The following MYLK variants were observed in gnomAD, a reference collection of about 807,000 sequenced individuals.
MYLK encodes myosin light chain kinase, also known as myosin light chain kinase, smooth muscle.
A neutral mutation model predicts 203.4 loss-of-function variants in MYLK; 106 were observed. The observed-to-expected ratio is 0.52, with a 90% CI of 0.45 to 0.61. The LOEUF is 0.61. Ranked by LOEUF, MYLK falls within the 20% of genes least tolerant of loss-of-function variation. The pLI, the probability that MYLK is intolerant of heterozygous loss-of-function variation, is 0.00. For synonymous variants in MYLK, 867 were observed against 959.5 expected (o/e 0.90, Z 1.78); for missense variants, 2,072 against 2,442.3 (o/e 0.85, Z 3.20).
At position 123,709,741 on chromosome 3, in the gene MYLK, G is replaced by A; in HGVS notation, c.1942+15C>T. On this transcript the variant is annotated intron_variant, in intron 14 of 33. Transcript: ENST00000360304. Reference sequence around the variant, plus strand: ...TTTTCATGTTAATCCCCAAGAGAGAGCTGCAGAGACAGACCTGACACTTGG... The same window carrying A: ...TTTTCATGTTAATCCCCAAGAGAGAACTGCAGAGACAGACCTGACACTTGG... 6.2e-7 allele frequency: 1 copy of A among 1,613,324 alleles called. No homozygotes were observed. The highest frequency in any genetic ancestry group is 8.5e-7 in the Non-Finnish European group (1 of 1,179,830).
intron 3 of MYLK, among the ~76,000 whole-genome samples, chr3:123,796,802 C>A (rs992945085): frequency 6.6e-6 from 1 of 152,182 alleles, no homozygotes. Context: ...GATGGGCATG[C>A]TCATACCCTC....
intron 8 of MYLK, among the ~76,000 whole-genome samples, chr3:123,736,413 C>T (rs994024044): frequency 4.6e-5 from 7 of 152,222 alleles, no homozygotes; most frequent in Admixed American, 3.9e-4. Context: ...GGAGGAAGGA[C>T]TGAAAGCCAC....
At position 123,709,392 on chromosome 3, in the gene MYLK, G is replaced by A. The variant is rs147450482; in HGVS notation, c.1942+364C>T. 2,216 of 304,294 alleles carry A rather than the reference G, an allele frequency of 7.3e-3. 12 individuals are homozygous for A. The highest frequency in any genetic ancestry group is 0.015 in the Middle Eastern group (13 of 844). 18.8% of individuals were successfully genotyped at this position (304,294 alleles called of 1,614,324 possible). On this transcript the variant is annotated intron_variant, in intron 14 of 33. Coordinates refer to ENST00000360304, the MANE Select transcript of MYLK (RefSeq NM_053025.4). Reference sequence around the variant, plus strand: ...TCCTGACCTTGTGATCTGCTGCCTCGGCCTCACAAAGTGCTGGGATTACAG... The same window carrying A: ...TCCTGACCTTGTGATCTGCTGCCTCAGCCTCACAAAGTGCTGGGATTACAG...
intron 3 of MYLK, among the ~76,000 whole-genome samples, chr3:123,799,462 T>C (rs1005103269): frequency 6.6e-6 from 1 of 152,102 alleles, no homozygotes; most frequent in African/African-American, 2.4e-5. Context: ...AGTTATCCCC[T>C]TCCCTACCCA....
intron 24 of MYLK, among the ~76,000 whole-genome samples, chr3:123,652,574 G>T (rs571422331): frequency 6.6e-6 from 1 of 152,224 alleles, no homozygotes; most frequent in South Asian, 2.1e-4. Context: ...AGGCCAGGGC[G>T]TAGCTGCAGC....
chr3:123,767,117 C>T (rs1206281550), intron 4 of MYLK, among the ~76,000 whole-genome samples: 2 of 152,212 alleles, frequency 1.3e-5, no homozygotes, highest in Admixed American at 1.3e-4. Context: ...CCTCCTCCCG[C>T]CAGTGTCCCT....
In MYLK at chr3:123,757,627, T is replaced by C. The variant is rs1165005329; in HGVS notation, c.166-5089A>G. Among the ~76,000 whole-genome samples, 3 of 152,072 alleles carry C rather than the reference T, an allele frequency of 2.0e-5. No individual in the cohort carries two copies. The East Asian group carries it at 5.8e-4, about 29-fold the overall frequency. On this transcript the variant is annotated intron_variant, in intron 4 of 33. Coordinates refer to ENST00000360304, the MANE Select transcript of MYLK (RefSeq NM_053025.4). The stretch of plus-strand genomic sequence containing the variant: ...ATTGGGAAGATGCACCAAGAAGATA[T>C]GAGCAGTGAGCTGAAGAATCTTTAG...
At chr3:123,697,485 G>A (rs1208747440) in intron 18 of MYLK, among the ~76,000 whole-genome samples, 2 of 152,180 alleles carry the variant, frequency 1.3e-5, no homozygotes, top group Non-Finnish European at 2.9e-5. Context: ...ATTCTCAGCT[G>A]CCACCAGTAC....
At chr3:123,797,907 C>A (rs895357531) in intron 3 of MYLK, among the ~76,000 whole-genome samples, 5 of 152,206 alleles carry the variant, frequency 3.3e-5, no homozygotes, top group Non-Finnish European at 7.3e-5. Context: ...TAGATATAGA[C>A]CCTTTCACCA....
At chr3:123,617,432 A>G (rs992776363) in intron 33 of MYLK, 2 of 152,208 alleles carry the variant, frequency 1.3e-5, no homozygotes, top group Admixed American at 6.5e-5. Context: ...CAGCACATCC[A>G]CTTTCTTTTA....
At chr3:123,717,192 A>G (rs1489294998) in intron 13 of MYLK, among the ~76,000 whole-genome samples, 2 of 152,192 alleles carry the variant, frequency 1.3e-5, no homozygotes, top group African/African-American at 4.8e-5. Context: ...AACTGGATAG[A>G]TTGTATAGTG....
At chr3:123,721,543 C>T (rs1306835709) in intron 13 of MYLK, among the ~76,000 whole-genome samples, 1 of 152,088 alleles carries the variant, frequency 6.6e-6, no homozygotes, top group Non-Finnish European at 1.5e-5. Flanking sequence ...GGAGACCAGG[C>T]TGCTGATGTG....
chr3:123,657,073 AG>A, intron 24 of MYLK, 52 bp downstream of exon 24: 4 of 1,590,914 alleles, frequency 2.5e-6, no homozygotes, highest in Non-Finnish European at 3.5e-6. Flanking sequence ...TACATACACA[AG>A]GTCAGTCACG....
rs981236603 is a variant in MYLK, at chr3:123,825,160, A to G, written c.-4+6388T>C. On this transcript the variant is annotated intron_variant, in intron 3 of 33. Transcript: ENST00000360304. ...ACCCTGTCTCAAAAAAAAAAAAAAG[A>G]AAAAAAAAGTCATAGAATTCAGATA... is the stretch of plus-strand genomic sequence containing the variant. 6.0e-5 allele frequency among the ~76,000 whole-genome samples: 9 copies of G among 150,202 alleles called. No individual in the cohort carries two copies. The Admixed American group carries it at 6.0e-4, about 10-fold the overall frequency.
chr3:123,725,935 G>A lies in MYLK; in HGVS notation c.1651+9C>T. 4 of 1,613,280 alleles carry A rather than the reference G, an allele frequency of 2.5e-6. No individual in the cohort carries two copies. The highest frequency in any genetic ancestry group is 3.4e-6 in the Non-Finnish European group (4 of 1,179,436). On this transcript the variant is annotated intron_variant, in intron 12 of 33. Coordinates refer to ENST00000360304, the MANE Select transcript of MYLK (RefSeq NM_053025.4). ...ATGGGAGCAGAGAGCTGGGGCAGGG[G>A]GAACTCACCATTCAGCAGCCAAGTG...
chr3:123,672,769 A>C (rs1035230004), intron 20 of MYLK, among the ~76,000 whole-genome samples: 1 of 152,258 alleles, frequency 6.6e-6, no homozygotes. Context: ...CCTATCAGTA[A>C]AAACAATTTA....
In MYLK at chr3:123,692,793, C is replaced by T. The variant is rs972248540; in HGVS notation, c.3507G>A (p.Lys1169=). ...KALPEDRGLY[K]CVAKNDAGQA... is the part of the protein sequence containing the mutation. ...GGCCAGCGTCATTCTTGGCTACACA[C>T]TTGTATAAGCCTCTGTCCTCAGGCA... The change falls in exon 19 of 34, where the codon AAG becomes AAA. Residue 1169 remains lysine (K), a synonymous_variant. Coordinates refer to ENST00000360304, the MANE Select transcript of MYLK (RefSeq NM_053025.4). 1.3e-5 allele frequency: 21 copies of T among 1,613,972 alleles called. No homozygotes were observed. The African/African-American group carries it at 2.8e-4, about 22-fold the overall frequency.
chr3:123,762,101 T>C (rs981600779), intron 4 of MYLK, among the ~76,000 whole-genome samples: 3 of 152,156 alleles, frequency 2.0e-5, no homozygotes, highest in African/African-American at 4.8e-5. Context: ...CTATAAGTCA[T>C]AAGAAAGCAG....
chr3:123,664,264 G>A lies in MYLK; in HGVS notation c.3832-6C>T, dbSNP rs185681684. 2,356 of 1,614,202 alleles carry A rather than the reference G, an allele frequency of 1.5e-3. 1 individual carries two copies. Among genetic ancestry groups the A allele is most frequent in the Non-Finnish European group, 1.8e-3 (2,118 of 1,180,036 alleles). On this transcript the variant is annotated splice_region_variant and splice_polypyrimidine_tract_variant and intron_variant, in intron 22 of 33. Transcript: ENST00000360304. ...ATGTGCTCGCTTTCCTGGATCTAGG[G>A]GCGGAGGATGGAGCAGGTGCTGGAG...
Sources: allele counts gnomAD v4.1 joint callset (sites outside exome capture counted in the v4.1 genomes callset), GRCh38; gene constraint gnomAD v4.1.1; transcripts MANE v1.5; gene names NCBI Gene and HGNC (gene_info 2026-07-23, HGNC 2026-07-21).